The following ERCC6L2 variants were observed in gnomAD, a reference collection of about 807,000 sequenced individuals.
The protein encoded by ERCC6L2 is DNA excision repair protein ERCC-6-like 2.
In ERCC6L2, 77 loss-of-function variants were observed where a neutral mutation model predicts 132.0. The observed-to-expected ratio is 0.58, with a 90% CI of 0.49 to 0.71. The LOEUF is 0.71. ERCC6L2 is among the 30% of genes least tolerant of loss of function. The pLI is 0.00. For synonymous variants in ERCC6L2, 583 were observed against 632.4 expected (o/e 0.92, Z 1.17); for missense variants, 1,542 against 1,837.6 (o/e 0.84, Z 2.94).
intron 4 of ERCC6L2, among the ~76,000 whole-genome samples, chr9:95,911,147 G>A (rs367675917): frequency 1.8e-4 from 28 of 152,020 alleles, no homozygotes; most frequent in African/African-American, 5.8e-4. Flanking sequence ...CTCCCACCTC[G>A]GCCTCCCAAA....
rs758976868 is a variant in ERCC6L2, at chr9:95,896,510, C to G, written c.472-1339C>G. The stretch of plus-strand genomic sequence containing the variant: ...AGTCACGGCCCACTGCAGCCTCATT[C>G]TCCTAGGCTCAAGCAGTCCTCCTAC... On this transcript the variant is annotated intron_variant, in intron 2 of 18. Transcript: ENST00000653738. Among the ~76,000 whole-genome samples the G allele has an allele frequency of 4.9e-4, 74 of 151,214 alleles. 1 individual carries two copies. The highest frequency in any genetic ancestry group is 2.0e-4 in the Admixed American group (3 of 15,166).
At chr9:95,923,130 C>T (rs1415272825) in intron 8 of ERCC6L2, 130 bp from the exon 9 acceptor site, 1 of 1,100,302 alleles carries the variant, frequency 9.1e-7, no homozygotes. Context: ...CTTAGTCTGA[C>T]TTAGGGAAGC....
chr9:95,982,850 C>CTT lies in ERCC6L2; in HGVS notation c.3492+4636_3492+4637dup, dbSNP rs538645831. 2.0e-4 allele frequency among the ~76,000 whole-genome samples: 30 copies of CTT among 152,150 alleles called. No homozygotes were observed. The South Asian group carries it at 5.6e-3, about 28-fold the overall frequency. On this transcript the variant is annotated intron_variant, in intron 17 of 18. Transcript: ENST00000653738. ...TCATTTGAGTAGAAAATACCTGCTA[C>CTT]TTAAAGGAAGGAGAATCCAGTTTTT...
intron 4 of ERCC6L2, among the ~76,000 whole-genome samples, chr9:95,915,365 G>A (rs938317910): frequency 1.3e-5 from 2 of 151,906 alleles, no homozygotes; most frequent in African/African-American, 4.8e-5. Flanking sequence ...TTTTATATTT[G>A]TTTTTCTGGT....
At chr9:95,975,327 C>T (rs1832619938) in intron 16 of ERCC6L2, among the ~76,000 whole-genome samples, 1 of 151,376 alleles carries the variant, frequency 6.6e-6, no homozygotes, top group Admixed American at 6.6e-5. Context: ...ATAATATTCC[C>T]TGAGATTCTT....
chr9:95,956,233 G>A (rs775320564), intron 13 of ERCC6L2, among the ~76,000 whole-genome samples: 2 of 152,170 alleles, frequency 1.3e-5, no homozygotes, highest in Non-Finnish European at 2.9e-5. Context: ...TTAAACTTTA[G>A]TGTACATGCG....
rs1467514442 is a variant in ERCC6L2, at chr9:95,881,095, A to C, written c.273A>C (p.Lys91Asn). 1 of 1,613,064 alleles carries C rather than the reference A, an allele frequency of 6.2e-7. No individual in the cohort carries two copies. Among genetic ancestry groups the C allele is most frequent in the Admixed American group, 1.7e-5 (1 of 59,752 alleles). Residue 91 changes from lysine (K) to asparagine (N), a missense_variant, in exon 2 of 19, where the codon AAA (lysine) becomes AAC (asparagine). Lys to Asn is a moderately conservative substitution (Grantham distance 94, BLOSUM62 0). Transcript: ENST00000653738. The stretch of plus-strand genomic sequence containing the variant: ...TATTTGATGATGAAGATTTAGAAAA[A>C]CCTTATTTCCCAAACCGAAAATTTC... ...NLIFDDEDLEKPYFPNRKFPS... is the reference protein window; with the variant it reads ...NLIFDDEDLENPYFPNRKFPS...
At position 95,966,705 on chromosome 9, in the gene ERCC6L2, C is replaced by T. The variant is rs1832176440; in HGVS notation, c.2091C>T (p.Asp697=). Residue 697 remains aspartate (D), a synonymous_variant, in exon 14 of 19, where the codon GAC becomes GAT. Transcript: ENST00000653738. The part of the protein sequence containing the change: ...FRSQGSCLTK[D]ILEREGQVEA... ...CCCAAGGGTCTTGTCTTACGAAGGA[C>T]ATCCTGGAGGTGTGAACTTCTTCTC... 2.7e-6 allele frequency: 4 copies of T among 1,469,684 alleles called. No individual in the cohort carries two copies. In the South Asian group the frequency reaches 4.6e-5, roughly 17 times the overall value. The allele number at this position is 1,469,684 out of a possible 1,614,324, so 91.0% of individuals were successfully genotyped here. A position where few individuals can be genotyped will look rare whatever the true frequency, so the allele number is the denominator to read the frequency against.
At chr9:95,946,922 G>T (rs961106739) in intron 12 of ERCC6L2, among the ~76,000 whole-genome samples, 2 of 152,172 alleles carry the variant, frequency 1.3e-5, no homozygotes, top group African/African-American at 4.8e-5. Flanking sequence ...ATTGGTAGAT[G>T]TGTGTGTTCT....
At chr9:95,978,249 T>C in intron 17 of ERCC6L2, 34 bp downstream of exon 17, 1 of 1,291,756 alleles carries the variant, frequency 7.7e-7, no homozygotes. Flanking sequence ...CATCTTTAGT[T>C]ACCTCATTTT....
rs751694429 is a variant in ERCC6L2, at chr9:96,012,778, G to A, written c.4228G>A (p.Gly1410Ser). The A allele has an allele frequency of 2.9e-6, 4 of 1,367,318 alleles. No homozygotes were observed. Among genetic ancestry groups the A allele is most frequent in the Admixed American group, 3.8e-5 (2 of 52,540 alleles). The allele number at this position is 1,367,318 out of a possible 1,614,324, so 84.7% of individuals were successfully genotyped here. A position where few individuals can be genotyped will look rare whatever the true frequency, so the allele number is the denominator to read the frequency against. Residue 1410 changes from glycine to serine, a missense_variant, in exon 19 of 19, where the codon GGC becomes AGC. Transcript: ENST00000653738. Reference sequence around the variant, plus strand: ...AGACCAACAGGACCTCACAAGAACGGGCATTTCAAGAAAAGAACCCCTTCT... The same window carrying A: ...AGACCAACAGGACCTCACAAGAACGAGCATTTCAAGAAAAGAACCCCTTCT... ...MKDQQDLTRT[G>S]ISRKEPLLKL...
intron 17 of ERCC6L2, among the ~76,000 whole-genome samples, chr9:95,995,195 C>G (rs1833432408): frequency 6.6e-6 from 1 of 152,164 alleles, no homozygotes; most frequent in Non-Finnish European, 1.5e-5. Flanking sequence ...CTTACCCTTT[C>G]ATATCAAAAA....
At chr9:95,921,366 C>G (rs1002034102) in intron 7 of ERCC6L2, 51 bp downstream of exon 7, 9 of 1,457,072 alleles carry the variant, frequency 6.2e-6, no homozygotes, top group Admixed American at 2.0e-5. Context: ...ACATAGTACT[C>G]TCTTCTAGTG....
At chr9:95,999,547 C>T (rs1227835240) in intron 17 of ERCC6L2, among the ~76,000 whole-genome samples, 2 of 152,148 alleles carry the variant, frequency 1.3e-5, no homozygotes, top group Non-Finnish European at 2.9e-5. Flanking sequence ...GCAGTGCTGC[C>T]AGGGTCATTG....
chr9:96,024,590 T>C (rs774382323), intron 19 of ERCC6L2, among the ~76,000 whole-genome samples: 6 of 152,178 alleles, frequency 3.9e-5, no homozygotes, highest in Non-Finnish European at 8.8e-5. Context: ...CAGGGAGCTA[T>C]CCCCAATCTA....
At chr9:96,001,559 G>A (rs1833680623) in intron 17 of ERCC6L2, among the ~76,000 whole-genome samples, 1 of 152,208 alleles carries the variant, frequency 6.6e-6, no homozygotes, top group Non-Finnish European at 1.5e-5. Flanking sequence ...CAAACCTTGA[G>A]CTAGATACAG....
intron 17 of ERCC6L2, among the ~76,000 whole-genome samples, chr9:96,001,539 G>C (rs1161697925): frequency 2.6e-5 from 4 of 152,168 alleles, no homozygotes; most frequent in African/African-American, 7.2e-5. Context: ...GGTGCTGATT[G>C]GTGTATTTAC....
chr9:96,015,538 G>A lies in ERCC6L2; in HGVS notation c.*2335G>A, dbSNP rs62559767. 0.26 allele frequency among the ~76,000 whole-genome samples: 39,668 copies of A among 150,026 alleles called. 5,778 individuals are homozygous for A. The highest frequency in any genetic ancestry group is 0.41 in the East Asian group (1,989 of 4,860). ...AGGCCGGGCACAGTGGCTCACGCCT[G>A]TAATCCCAGCACTTTGGGAGGCCGA... On this transcript the variant is annotated 3_prime_UTR_variant, in exon 19 of 19. Transcript: ENST00000653738.
At chr9:95,985,539 A>G (rs979422142) in intron 17 of ERCC6L2, among the ~76,000 whole-genome samples, 4 of 152,198 alleles carry the variant, frequency 2.6e-5, no homozygotes, top group African/African-American at 9.7e-5. Context: ...TAATGCTGGT[A>G]TAGGAAATCC....
Sources: allele counts gnomAD v4.1 joint callset (sites outside exome capture counted in the v4.1 genomes callset), GRCh38; gene constraint gnomAD v4.1.1; transcripts MANE v1.5; gene names NCBI Gene and HGNC (gene_info 2026-07-23, HGNC 2026-07-21).